The following PKP4 variants were observed in gnomAD, a reference collection of about 807,000 sequenced individuals.
PKP4 encodes the protein plakophilin 4, also known as plakophilin-4.
A neutral mutation model predicts 145.1 loss-of-function variants in PKP4; 90 were observed. That is an observed-to-expected ratio of 0.62 (90% confidence interval 0.52 to 0.74). The LOEUF is 0.74. Ranked by LOEUF, PKP4 falls within the 30% of genes least tolerant of loss-of-function variation. PKP4 has a pLI of 0.00. For missense variants in PKP4, 1,340 were observed against 1,482.7 expected (o/e 0.90, Z 1.58); for synonymous variants, 563 against 577.2 (o/e 0.98, Z 0.35).
At chr2:158,589,693 T>G (rs527932676) in intron 3 of PKP4, among the ~76,000 whole-genome samples, 3 of 152,178 alleles carry the variant, frequency 2.0e-5, no homozygotes, top group Non-Finnish European at 4.4e-5. Context: ...GGGGGAAATT[T>G]TTTGTAATTC....
chr2:158,588,350 A>G (rs938443402), intron 3 of PKP4: 1 of 152,088 alleles, frequency 6.6e-6, no homozygotes, highest in East Asian at 1.9e-4. Context: ...CTTTCTGCCA[A>G]TATTTAATAT....
At chr2:158,560,663 G>A (rs2046438102) in intron 2 of PKP4, among the ~76,000 whole-genome samples, 1 of 151,734 alleles carries the variant, frequency 6.6e-6, no homozygotes, top group African/African-American at 2.4e-5. Flanking sequence ...GAAAGAACGT[G>A]GTATATTAAA....
chr2:158,567,393 G>A (rs1190383447), intron 2 of PKP4, among the ~76,000 whole-genome samples: 2 of 152,190 alleles, frequency 1.3e-5, no homozygotes, highest in Admixed American at 6.5e-5. Context: ...AAGATATTTG[G>A]GGGCCAGACT....
At chr2:158,533,891 ACCT>A (rs1340590250) in intron 2 of PKP4, among the ~76,000 whole-genome samples, 1 of 152,116 alleles carries the variant, frequency 6.6e-6, no homozygotes, top group Non-Finnish European at 1.5e-5. Context: ...AACTCAAGTA[ACCT>A]CCTATATTAG....
At chr2:158,642,018 G>T (rs2054328390) in intron 10 of PKP4, among the ~76,000 whole-genome samples, 1 of 151,482 alleles carries the variant, frequency 6.6e-6, no homozygotes, top group African/African-American at 2.4e-5. Flanking sequence ...TTAGAATTCT[G>T]TTTTTTTGGT....
At chr2:158,618,994 A>G (rs2051931486) in intron 4 of PKP4, among the ~76,000 whole-genome samples, 2 of 152,180 alleles carry the variant, frequency 1.3e-5, no homozygotes, top group Admixed American at 6.5e-5. Context: ...TGAGGCTACC[A>G]CAGTGGTACT....
rs199631736 is a variant in PKP4, at chr2:158,533,237, G to T, written c.53G>T (p.Arg18Leu). 20 of 1,613,792 alleles carry T rather than the reference G, an allele frequency of 1.2e-5. No individual in the cohort carries two copies. The highest frequency in any genetic ancestry group is 2.7e-5 in the African/African-American group (2 of 74,888). The change falls in exon 2 of 22, where the codon CGC (arginine) becomes CTC (leucine). Residue 18 changes from arginine (R) to leucine (L), a missense_variant. By Grantham distance (102) the Arg-to-Leu change is moderately radical (BLOSUM62 -2). Coordinates refer to ENST00000389759, the MANE Select transcript of PKP4 (RefSeq NM_003628.6). ...SLVEEGQPQT[R>L]QEAASTGPGM... is the part of the protein sequence containing the mutation. ...GTGGAGGAGGGGCAACCACAGACCC[G>T]CCAGGAAGCTGCCTCCACTGGCCCA...
intron 1 of PKP4, among the ~76,000 whole-genome samples, chr2:158,479,125 A>G (rs1692950823): frequency 6.6e-6 from 1 of 152,186 alleles, no homozygotes; most frequent in African/African-American, 2.4e-5. Flanking sequence ...TTACCTAAGT[A>G]GTATTGTTTT....
At chr2:158,529,912 T>A (rs2043363861) in intron 1 of PKP4, among the ~76,000 whole-genome samples, 1 of 152,182 alleles carries the variant, frequency 6.6e-6, no homozygotes, top group African/African-American at 2.4e-5. Flanking sequence ...CTTGTATTGA[T>A]ATCATGGCTA....
At chr2:158,592,268 T>C (rs956835223) in intron 3 of PKP4, among the ~76,000 whole-genome samples, 3 of 152,056 alleles carry the variant, frequency 2.0e-5, no homozygotes, top group African/African-American at 7.2e-5. Context: ...CAGAGGGATT[T>C]AAAACATTCT....
intron 1 of PKP4, among the ~76,000 whole-genome samples, chr2:158,528,667 A>T (rs1376998267): frequency 1.3e-5 from 1 of 76,382 alleles, no homozygotes; most frequent in South Asian, 6.9e-4. Context: ...AACTTACTAA[A>T]TGAAAAAAAA....
intron 9 of PKP4, among the ~76,000 whole-genome samples, 185 bp from the exon 10 acceptor site, chr2:158,640,442 A>G (rs1309319296): frequency 6.6e-6 from 1 of 152,250 alleles, no homozygotes; most frequent in Non-Finnish European, 1.5e-5. Context: ...CCTTAAGATC[A>G]TAAGCATCTG....
At chr2:158,637,486 C>T (rs1173238841) in intron 9 of PKP4, among the ~76,000 whole-genome samples, 1 of 152,152 alleles carries the variant, frequency 6.6e-6, no homozygotes, top group Non-Finnish European at 1.5e-5. Flanking sequence ...GTCTCCAGTA[C>T]TCTGCCTTGC....
At position 158,457,013 on chromosome 2, in the gene PKP4, C is replaced by A. The variant is rs1688839024; in HGVS notation, c.-211C>A. 1 of 126,530 alleles carries A rather than the reference C, an allele frequency of 7.9e-6. No individual in the cohort carries two copies. Among genetic ancestry groups the A allele is most frequent in the South Asian group, 2.6e-4 (1 of 3,902 alleles). The allele number at this position is 126,530 out of a possible 1,614,324, so 7.8% of individuals were successfully genotyped here. ...CCGGCCGCGGAGGCGGCACCATGGG[C>A]AAGGGGTAGAGGGGCAAGTTGGCCA... On this transcript the variant is annotated 5_prime_UTR_variant, in exon 1 of 22. Transcript: ENST00000389759.
At chr2:158,603,256 C>A in intron 4 of PKP4, 152 bp downstream of exon 4, 1 of 417,066 alleles carries the variant, frequency 2.4e-6, no homozygotes. Flanking sequence ...ACTTAATATG[C>A]TTAAGTTTTT....
At chr2:158,507,958 G>C (rs1238349999) in intron 1 of PKP4, among the ~76,000 whole-genome samples, 4 of 152,064 alleles carry the variant, frequency 2.6e-5, no homozygotes, top group Non-Finnish European at 5.9e-5. Flanking sequence ...CTTTACCTCT[G>C]CTCTGCCACA....
chr2:158,621,762 A>G lies in PKP4; in HGVS notation c.603+341A>G, dbSNP rs552774671. Among the ~76,000 whole-genome samples, 14 of 152,198 alleles carry G rather than the reference A, an allele frequency of 9.2e-5. No homozygotes were observed. In the East Asian group the frequency reaches 1.7e-3, roughly 19 times the overall value. On this transcript the variant is annotated intron_variant, in intron 6 of 21. Coordinates refer to ENST00000389759, the MANE Select transcript of PKP4 (RefSeq NM_003628.6). ...CTCCGTCTCAAAACAAAAAAAAAAA[A>G]AAGGAAAAAAAAAGAAATACACTCC...
intron 2 of PKP4, among the ~76,000 whole-genome samples, chr2:158,551,005 A>C (rs776025688): frequency 2.0e-5 from 3 of 152,214 alleles, no homozygotes; most frequent in Non-Finnish European, 4.4e-5. Flanking sequence ...ATATATTCAA[A>C]TTACTATGCA....
At chr2:158,606,639 A>G (rs1042566975) in intron 4 of PKP4, among the ~76,000 whole-genome samples, 2 of 152,232 alleles carry the variant, frequency 1.3e-5, no homozygotes, top group African/African-American at 4.8e-5. Flanking sequence ...TGTGTGTTAC[A>G]TACAGTTTTT....
Sources: allele counts gnomAD v4.1 joint callset (sites outside exome capture counted in the v4.1 genomes callset), GRCh38; gene constraint gnomAD v4.1.1; transcripts MANE v1.5; gene names NCBI Gene and HGNC (gene_info 2026-07-23, HGNC 2026-07-21).